The following IARS2 variants were observed in gnomAD, a reference collection of about 807,000 sequenced individuals.
The protein encoded by IARS2 is isoleucine--tRNA ligase, mitochondrial.
A neutral mutation model predicts 126.3 loss-of-function variants in IARS2; 56 were observed. That is an observed-to-expected ratio of 0.44 (90% CI 0.36 to 0.55). The LOEUF (loss-of-function observed/expected upper bound fraction) is 0.55, where lower values mean the gene tolerates loss of function less well. Among genes scored for constraint, IARS2 ranks in the 20% least tolerant of loss-of-function variants. The pLI is 0.00. For missense variants in IARS2, 1,127 were observed against 1,245.9 expected (o/e 0.90, Z 1.44); for synonymous variants, 407 against 441.1 (o/e 0.92, Z 0.97).
At chr1:220,142,834 C>T (rs1235220843) in intron 20 of IARS2, 110 bp from the exon 21 acceptor site, 6 of 643,850 alleles carry the variant, frequency 9.3e-6, no homozygotes, top group Middle Eastern at 4.4e-4. Context: ...CACTTGATTA[C>T]CATAAATAAC....
chr1:220,101,950 C>T (rs1656582446), intron 3 of IARS2, among the ~76,000 whole-genome samples, 179 bp from the exon 4 acceptor site: 1 of 152,060 alleles, frequency 6.6e-6, no homozygotes, highest in Non-Finnish European at 1.5e-5. Flanking sequence ...TGCAGTGAGC[C>T]GAGATCATGC....
chr1:220,125,366 C>T, intron 13 of IARS2, 27 bp downstream of exon 13: 4 of 1,380,786 alleles, frequency 2.9e-6, no homozygotes, highest in East Asian at 2.3e-5. Flanking sequence ...ATTTAACAGC[C>T]TTTGTATGTA....
intron 14 of IARS2, among the ~76,000 whole-genome samples, chr1:220,134,089 T>A (rs1048419267): frequency 6.6e-6 from 1 of 152,196 alleles, no homozygotes; most frequent in African/African-American, 2.4e-5. Context: ...TTGTAGATGG[T>A]CTCTCTGGGT....
chr1:220,105,045 C>A (rs111581028), intron 8 of IARS2, among the ~76,000 whole-genome samples: 2 of 152,182 alleles, frequency 1.3e-5, no homozygotes, highest in African/African-American at 4.8e-5. Flanking sequence ...AGGAAAGGAG[C>A]TTAAGAATTT....
At position 220,140,168 on chromosome 1, in the gene IARS2, G is replaced by T; in HGVS notation, c.2308-15G>T. ...CTGTCTCAGCTTCCAAATTTATTTT[G>T]GCTTTGTTCCCTAGATTACCGAATT... On this transcript the variant is annotated splice_polypyrimidine_tract_variant and intron_variant, in intron 18 of 22. Coordinates refer to ENST00000366922, the MANE Select transcript of IARS2 (RefSeq NM_018060.4). The T allele has an allele frequency of 6.8e-7, 1 of 1,475,356 alleles. No individual in the cohort carries two copies. Among genetic ancestry groups the T allele is most frequent in the Non-Finnish European group, 9.5e-7 (1 of 1,055,202 alleles). 91.4% of individuals were successfully genotyped at this position (1,475,356 alleles called of 1,614,324 possible).
rs912304032 is a variant in IARS2 at position 220,112,429 on chromosome 1, C to T, written c.1479+1492C>T. On this transcript the variant is annotated intron_variant, in intron 11 of 22. Coordinates refer to ENST00000366922, the MANE Select transcript of IARS2 (RefSeq NM_018060.4). ...GATTACAGGCGTGAGCCACCGCGCC[C>T]GGCCCGACCACCTACTTTTTACCCC... Among the ~76,000 whole-genome samples, 4 of 151,626 alleles carry T rather than the reference C, an allele frequency of 2.6e-5. 1 individual carries two copies. The highest frequency in any genetic ancestry group is 1.3e-4 in the Admixed American group (2 of 15,158).
chr1:220,111,074 A>C, intron 11 of IARS2, 137 bp downstream of exon 11: 2 of 802,280 alleles, frequency 2.5e-6, no homozygotes, highest in Non-Finnish European at 3.8e-6. Flanking sequence ...ACATTGTAGA[A>C]TTTTAGATCT....
At chr1:220,117,623 A>G (rs2102827378) in intron 12 of IARS2, among the ~76,000 whole-genome samples, 1 of 152,252 alleles carries the variant, frequency 6.6e-6, no homozygotes. Context: ...TGTATGTATT[A>G]GTAAATATAG....
intron 12 of IARS2, among the ~76,000 whole-genome samples, chr1:220,121,136 G>A (rs888309016): frequency 3.3e-5 from 5 of 152,042 alleles, no homozygotes; most frequent in Non-Finnish European, 5.9e-5. Context: ...ATTTACAGTA[G>A]CCTTTTTGAA....
At chr1:220,118,738 A>G (rs947746724) in intron 12 of IARS2, among the ~76,000 whole-genome samples, 4 of 152,138 alleles carry the variant, frequency 2.6e-5, no homozygotes, top group Non-Finnish European at 5.9e-5. Context: ...AAAAATAGCC[A>G]AGGAATTTCC....
At chr1:220,122,329 T>G (rs1019466813) in intron 12 of IARS2, among the ~76,000 whole-genome samples, 13 of 152,220 alleles carry the variant, frequency 8.5e-5, no homozygotes, top group Non-Finnish European at 1.3e-4. Context: ...GCTTGCTGTG[T>G]CAACACACTA....
intron 1 of IARS2, among the ~76,000 whole-genome samples, chr1:220,095,511 A>G (rs77641164): frequency 0.038 from 5,863 of 152,322 alleles, 124 homozygotes; most frequent in Middle Eastern, 0.068. Flanking sequence ...TACCTTCTGT[A>G]TGCCAGAAAG....
At chr1:220,095,779 G>C (rs903173793) in intron 1 of IARS2, among the ~76,000 whole-genome samples, 1 of 152,198 alleles carries the variant, frequency 6.6e-6, no homozygotes, top group Non-Finnish European at 1.5e-5. Flanking sequence ...CAACATGTCG[G>C]GGGTGAGGAG....
chr1:220,134,225 C>G (rs1031948385), intron 14 of IARS2, among the ~76,000 whole-genome samples, 177 bp from the exon 15 acceptor site: 2 of 152,184 alleles, frequency 1.3e-5, no homozygotes, highest in Non-Finnish European at 2.9e-5. Flanking sequence ...TGTCCCATTA[C>G]TACTGGTGAT....
rs917926896 is a variant in IARS2, at chr1:220,101,722, C to T, written c.551-407C>T. Reference sequence around the variant, plus strand: ...TCTCAAAAAAAAAAAATTTTGTGCTCGGGCGCCGTGGCTCACGCCTGTAAT... The same window carrying T: ...TCTCAAAAAAAAAAAATTTTGTGCTTGGGCGCCGTGGCTCACGCCTGTAAT... On this transcript the variant is annotated intron_variant, in intron 3 of 22. Coordinates refer to ENST00000366922, the MANE Select transcript of IARS2 (RefSeq NM_018060.4). 1.2e-4 allele frequency among the ~76,000 whole-genome samples: 18 copies of T among 150,392 alleles called. No homozygotes were observed. In the South Asian group the frequency reaches 1.3e-3, roughly 11 times the overall value.
At chr1:220,121,286 GT>G (rs1657046263) in intron 12 of IARS2, among the ~76,000 whole-genome samples, 1 of 152,070 alleles carries the variant, frequency 6.6e-6, no homozygotes, top group South Asian at 2.1e-4. Flanking sequence ...ACTTTTGTCA[GT>G]TTTTTTAAAA....
chr1:220,094,187 G>T lies in IARS2; in HGVS notation c.-30G>T. 1.3e-6 allele frequency: 2 copies of T among 1,520,172 alleles called. No homozygotes were observed. Among genetic ancestry groups the T allele is most frequent in the Non-Finnish European group, 1.8e-6 (2 of 1,139,296 alleles). The allele number at this position is 1,520,172 out of a possible 1,614,324, so 94.2% of individuals were successfully genotyped here. On this transcript the variant is annotated 5_prime_UTR_variant, in exon 1 of 23. Coordinates refer to ENST00000366922, the MANE Select transcript of IARS2 (RefSeq NM_018060.4). ...GCCCCTTCAAGCTGGGGCGGGAGCG[G>T]AGGACCCCGCTCTCAGGGGTTGCCG... is the stretch of plus-strand genomic sequence containing the variant.
chr1:220,109,115 G>A (rs1432718864), intron 10 of IARS2, among the ~76,000 whole-genome samples: 1 of 151,738 alleles, frequency 6.6e-6, no homozygotes, highest in East Asian at 1.9e-4. Flanking sequence ...CAAACTGCCA[G>A]CCCGGCCAGG....
chr1:220,140,282 A>C lies in IARS2; in HGVS notation c.2407A>C (p.Lys803Gln), dbSNP rs1657458642. ...CTCTAACTTTTATTTCAGTATAATC[A>C]AAGATAGGTATGTATGACTAAATAT... is the stretch of plus-strand genomic sequence containing the variant. ...ELSNFYFSII[K>Q]DRLYCEKEND... is the part of the protein sequence containing the mutation. Residue 803 changes from lysine (K) to glutamine (Q), a missense_variant, in exon 19 of 23, where the codon AAA becomes CAA. Lys to Gln is a moderately conservative substitution (Grantham distance 53, BLOSUM62 1). Coordinates refer to ENST00000366922, the MANE Select transcript of IARS2 (RefSeq NM_018060.4). The C allele has an allele frequency of 1.3e-6, 2 of 1,565,328 alleles. No individual in the cohort carries two copies. Among genetic ancestry groups the C allele is most frequent in the Non-Finnish European group, 1.8e-6 (2 of 1,135,968 alleles).
Sources: gnomAD v4.1 joint callset for allele counts (sites outside exome capture counted in the v4.1 genomes callset) on GRCh38, gnomAD v4.1.1 for gene constraint, MANE v1.5 for transcripts, NCBI Gene and HGNC (gene_info 2026-07-23, HGNC 2026-07-21) for gene names.